SLC16A10: variants seen among roughly 807,000 people sequenced by gnomAD.
SLC16A10 encodes the protein solute carrier family 16 member 10, also known as monocarboxylate transporter 10.
In SLC16A10, 27 loss-of-function variants were observed where a neutral mutation model predicts 40.0. The ratio of observed to expected loss-of-function variants is 0.67; its 90% CI spans 0.50 to 0.93. SLC16A10 has a LOEUF of 0.93. Among genes scored for constraint, SLC16A10 ranks in the 40% least tolerant of loss-of-function variants. SLC16A10 has a pLI of 0.00. For missense variants in SLC16A10, 529 were observed against 658.2 expected (o/e 0.80, Z 2.15); for synonymous variants, 213 against 249.8 (o/e 0.85, Z 1.39).
chr6:111,212,396 G>A (rs1428998793), intron 4 of SLC16A10, among the ~76,000 whole-genome samples: 1 of 152,166 alleles, frequency 6.6e-6, no homozygotes, highest in Non-Finnish European at 1.5e-5. Context: ...TTGCTTATAG[G>A]TAACAAAGAA....
chr6:111,175,609 G>T (rs936881030), intron 2 of SLC16A10, among the ~76,000 whole-genome samples: 1 of 152,178 alleles, frequency 6.6e-6, no homozygotes, highest in African/African-American at 2.4e-5. Context: ...CAGAATGAAT[G>T]AAGTATTAAT....
intron 4 of SLC16A10, among the ~76,000 whole-genome samples, chr6:111,210,460 G>GCC (rs1773327072): frequency 6.6e-6 from 1 of 152,194 alleles, no homozygotes; most frequent in Admixed American, 6.5e-5. Context: ...TGTCAAGGGA[G>GCC]CCCTCTAATG....
rs562836575 is a variant in SLC16A10, at chr6:111,222,164, T to C, written c.1477T>C (p.Leu493=). The C allele has an allele frequency of 5.0e-6, 8 of 1,607,758 alleles. No homozygotes were observed. The African/African-American group carries it at 9.4e-5, about 19-fold the overall frequency. ...TTGKEKMEKM[L]ENQNSLLSSS... ...TGGAAAAGAAAAGATGGAGAAAATG[T>C]TGGAAAACCAGAACTCTCTGCTGTC... Residue 493 remains leucine, a synonymous_variant, in exon 6 of 6, where the codon TTG becomes CTG. Transcript: ENST00000368851.
At chr6:111,137,438 C>T (rs9487589) in intron 1 of SLC16A10, among the ~76,000 whole-genome samples, 90,923 of 152,044 alleles carry the variant, frequency 0.6, 29,062 homozygotes, top group Middle Eastern at 0.73. Flanking sequence ...CCCTGCACTT[C>T]AGGCCATGCA....
chr6:111,114,091 C>CT (rs1346239811), intron 1 of SLC16A10, among the ~76,000 whole-genome samples: 17 of 152,052 alleles, frequency 1.1e-4, no homozygotes, highest in African/African-American at 3.6e-4. Context: ...TTCTCTCCCT[C>CT]TTTTTTTTGT....
intron 3 of SLC16A10, among the ~76,000 whole-genome samples, chr6:111,204,959 A>C (rs1389024503): frequency 1.3e-5 from 2 of 152,120 alleles, no homozygotes; most frequent in African/African-American, 2.4e-5. Context: ...CTTATAAGTC[A>C]GATGAATTTT....
chr6:111,177,825 T>C (rs1772714650), intron 3 of SLC16A10, 160 bp downstream of exon 3: 1 of 603,704 alleles, frequency 1.7e-6, no homozygotes, highest in East Asian at 2.9e-5. Flanking sequence ...TGTCAGCACA[T>C]CCATTAGACC....
In SLC16A10 at chr6:111,088,051, A is replaced by G; in HGVS notation, c.299A>G (p.Glu100Gly). 1 of 1,608,780 alleles carries G rather than the reference A, an allele frequency of 6.2e-7. No homozygotes were observed. The highest frequency in any genetic ancestry group is 8.5e-7 in the Non-Finnish European group (1 of 1,177,670). ...ACGVLFVSMLETFGSKDDDKM... is the reference protein window; with the variant it reads ...ACGVLFVSMLGTFGSKDDDKM... ...GGGGTGCTCTTCGTGTCCATGCTGG[A>G]AACCTTCGGCTCCAAAGACGATGAC... The change falls in exon 1 of 6, where the codon GAA becomes GGA. Residue 100 changes from glutamate (E) to glycine (G), a missense_variant. By Grantham distance (98) the Glu-to-Gly change is moderately conservative. Transcript: ENST00000368851.
chr6:111,149,899 A>G (rs925115167), intron 1 of SLC16A10, among the ~76,000 whole-genome samples: 15 of 152,240 alleles, frequency 9.9e-5, no homozygotes, highest in African/African-American at 3.6e-4. Flanking sequence ...CTTAAGAGTG[A>G]GGGTGCTCAC....
intron 3 of SLC16A10, among the ~76,000 whole-genome samples, chr6:111,199,888 T>G (rs1037870361): frequency 3.3e-5 from 5 of 152,156 alleles, no homozygotes; most frequent in Non-Finnish European, 7.3e-5. Flanking sequence ...AGAAATGTTT[T>G]CAAAATTAGG....
intron 1 of SLC16A10, among the ~76,000 whole-genome samples, chr6:111,097,006 G>T (rs75300608): frequency 7.9e-5 from 12 of 151,912 alleles, no homozygotes; most frequent in South Asian, 4.2e-4. Context: ...ATTTTTTTGT[G>T]GGGGAGGGTC....
At chr6:111,102,232 C>T (rs1188676663) in intron 1 of SLC16A10, among the ~76,000 whole-genome samples, 1 of 152,128 alleles carries the variant, frequency 6.6e-6, no homozygotes, top group Non-Finnish European at 1.5e-5. Flanking sequence ...GTATGAACAA[C>T]TTTATAACAC....
intron 4 of SLC16A10, among the ~76,000 whole-genome samples, chr6:111,217,440 G>GTTT (rs1770775246): frequency 7.3e-6 from 1 of 136,324 alleles, no homozygotes; most frequent in Non-Finnish European, 1.7e-5. Context: ...TTCAGTTTTT[G>GTTT]TTGTTGTTGT....
At chr6:111,115,944 T>C (rs916562625) in intron 1 of SLC16A10, among the ~76,000 whole-genome samples, 6 of 152,160 alleles carry the variant, frequency 3.9e-5, no homozygotes, top group African/African-American at 1.4e-4. Flanking sequence ...ATACTACTTG[T>C]AGGGACCCCT....
rs114784502 is a variant in SLC16A10 at position 111,102,082 on chromosome 6, C to G, written c.343+13987C>G. On this transcript the variant is annotated intron_variant, in intron 1 of 5. Transcript: ENST00000368851. ...TACCCTAGGTTACTCAACCAGGCCT[C>G]CTTTGTTTAGTGAGTAGCAGGCAGT... Among the ~76,000 whole-genome samples the G allele has an allele frequency of 8.2e-3, 1,245 of 152,308 alleles. 18 individuals are homozygous for G. Among genetic ancestry groups the G allele is most frequent in the African/African-American group, 0.029 (1,210 of 41,556 alleles).
chr6:111,157,510 C>T (rs995675087), intron 1 of SLC16A10, among the ~76,000 whole-genome samples: 3 of 152,036 alleles, frequency 2.0e-5, no homozygotes, highest in Non-Finnish European at 4.4e-5. Flanking sequence ...TCTCTAACTC[C>T]TGACCTCGTG....
intron 1 of SLC16A10, among the ~76,000 whole-genome samples, chr6:111,103,005 A>AAGTGATCCTCCCACCTCAGCCTCC: frequency 6.6e-6 from 1 of 152,134 alleles, no homozygotes. Context: ...TCCCAGGCTC[A>AAGTGATCCTCCCACCTCAGCCTCC]AGTGATCCTC....
At chr6:111,213,768 C>T (rs1161968939) in intron 4 of SLC16A10, among the ~76,000 whole-genome samples, 1 of 152,236 alleles carries the variant, frequency 6.6e-6, no homozygotes, top group Non-Finnish European at 1.5e-5. Context: ...CGAAGTGACA[C>T]TGGCCTCTGT....
At chr6:111,192,900 G>A (rs939151330) in intron 3 of SLC16A10, among the ~76,000 whole-genome samples, 12 of 152,126 alleles carry the variant, frequency 7.9e-5, no homozygotes, top group Non-Finnish European at 1.2e-4. Flanking sequence ...GGACACATGG[G>A]GATTATGGGA....
Sources: allele counts gnomAD v4.1 joint callset (sites outside exome capture counted in the v4.1 genomes callset), GRCh38; gene constraint gnomAD v4.1.1; transcripts MANE v1.5; gene names NCBI Gene and HGNC (gene_info 2026-07-23, HGNC 2026-07-21).